Variants in GALNT14 observed in about 807,000 individuals in gnomAD.
GALNT14 encodes the protein UDP-GalNAc:polypeptide N-acetylgalactosaminyltransferase 14.
Under a neutral mutation model 77.5 loss-of-function variants are expected in GALNT14, and 60 were observed. That is an observed-to-expected ratio of 0.77 (90% confidence interval 0.63 to 0.96). GALNT14 has a LOEUF of 0.96. Ranked by LOEUF, GALNT14 falls within the 40% of genes least tolerant of loss-of-function variation. GALNT14 has a pLI of 0.00. For synonymous variants in GALNT14, 280 were observed against 281.7 expected (o/e 0.99, Z 0.06); for missense variants, 710 against 731.0 (o/e 0.97, Z 0.33).
chr2:30,943,917 G>A (rs1036081554), intron 8 of GALNT14, among the ~76,000 whole-genome samples: 11 of 152,114 alleles, frequency 7.2e-5, no homozygotes, highest in African/African-American at 2.7e-4. Flanking sequence ...CTTAGCTCTT[G>A]CTAGTCCCTT....
At chr2:31,060,382 AC>A in intron 1 of GALNT14, among the ~76,000 whole-genome samples, 1 of 152,296 alleles carries the variant, frequency 6.6e-6, no homozygotes, top group Admixed American at 6.5e-5. Flanking sequence ...GCCCTATTTA[AC>A]TTAAACAGGG....
At chr2:30,922,930 T>C (rs1665119511) in intron 13 of GALNT14, among the ~76,000 whole-genome samples, 1 of 152,030 alleles carries the variant, frequency 6.6e-6, no homozygotes. Flanking sequence ...GCTGGAAGCA[T>C]GAAAAAATCT....
chr2:30,889,044 G>T, the GALNT14 span, among the ~76,000 whole-genome samples: 1 of 151,892 alleles, frequency 6.6e-6, no homozygotes, highest in Non-Finnish European at 1.5e-5. Flanking sequence ...CTGTAAAGAA[G>T]CCTGGGAGTA....
At chr2:30,952,721 TG>T (rs1667103686) in intron 6 of GALNT14, among the ~76,000 whole-genome samples, 1 of 150,126 alleles carries the variant, frequency 6.7e-6, no homozygotes, top group African/African-American at 2.5e-5. Flanking sequence ...GTAACTAACC[TG>T]CACATTGTGC....
intron 1 of GALNT14, among the ~76,000 whole-genome samples, chr2:31,037,395 C>T (rs1672805245): frequency 6.6e-6 from 1 of 152,170 alleles, no homozygotes; most frequent in African/African-American, 2.4e-5. Flanking sequence ...TTCTCATACT[C>T]ACTTTTGGTT....
chr2:31,054,095 C>A (rs1011495941), intron 1 of GALNT14, among the ~76,000 whole-genome samples: 2 of 152,204 alleles, frequency 1.3e-5, no homozygotes, highest in African/African-American at 4.8e-5. Context: ...AGTCAGCATC[C>A]CTGCCTGCAA....
At chr2:30,951,127 G>A (rs138201290) in intron 6 of GALNT14, among the ~76,000 whole-genome samples, 3 of 152,122 alleles carry the variant, frequency 2.0e-5, no homozygotes, top group African/African-American at 4.8e-5. Flanking sequence ...TTATAACTGC[G>A]CTATTCACAA....
chr2:31,051,051 C>G (rs1673831697), intron 1 of GALNT14, among the ~76,000 whole-genome samples: 1 of 152,112 alleles, frequency 6.6e-6, no homozygotes, highest in African/African-American at 2.4e-5. Context: ...AGAAAGTTCG[C>G]TGGATGGAGG....
At chr2:31,129,726 GGGT>G in intron 1 of GALNT14, 1 of 813,458 alleles carries the variant, frequency 1.2e-6, no homozygotes, top group Non-Finnish European at 1.5e-6. Context: ...GGGAGGTGGG[GGGT>G]GGGAGGGACA....
the GALNT14 span, among the ~76,000 whole-genome samples, chr2:30,888,326 A>C: frequency 6.6e-6 from 1 of 152,224 alleles, no homozygotes; most frequent in East Asian, 1.9e-4. Flanking sequence ...CTGGGGACCC[A>C]ATACCAGCTC....
intron 1 of GALNT14, among the ~76,000 whole-genome samples, chr2:31,099,511 G>A (rs1677162779): frequency 6.6e-6 from 1 of 151,784 alleles, no homozygotes; most frequent in African/African-American, 2.4e-5. Flanking sequence ...GTTTCCTTCT[G>A]GTACTTTCAT....
intron 1 of GALNT14, among the ~76,000 whole-genome samples, chr2:31,072,771 G>A (rs1478160989): frequency 1.3e-5 from 2 of 152,070 alleles, no homozygotes; most frequent in African/African-American, 4.8e-5. Context: ...TGCCAGACAG[G>A]GTGGCTCAGT....
At chr2:31,003,701 G>C (rs1670499650) in intron 1 of GALNT14, among the ~76,000 whole-genome samples, 1 of 152,200 alleles carries the variant, frequency 6.6e-6, no homozygotes, top group Admixed American at 6.5e-5. Context: ...TCTGGAAGAA[G>C]AAAAGTTCCA....
At chr2:31,023,619 C>G (rs1425083019) in intron 1 of GALNT14, among the ~76,000 whole-genome samples, 2 of 152,098 alleles carry the variant, frequency 1.3e-5, no homozygotes, top group Non-Finnish European at 2.9e-5. Context: ...ACTGAAATTG[C>G]CTTCCTGAGA....
chr2:30,905,081 C>T, the GALNT14 span, among the ~76,000 whole-genome samples: 1 of 152,108 alleles, frequency 6.6e-6, no homozygotes, highest in Non-Finnish European at 1.5e-5. Context: ...CATCAAAGAC[C>T]AAAAGTAAAT....
chr2:31,028,687 G>A (rs1054530927), intron 1 of GALNT14, among the ~76,000 whole-genome samples: 22 of 152,186 alleles, frequency 1.4e-4, no homozygotes, highest in Admixed American at 7.9e-4. Flanking sequence ...TCCCATGCTG[G>A]GCTTTATTTG....
At chr2:30,907,494 C>T (rs1664175431), downstream of GALNT14, among the ~76,000 whole-genome samples, 1 of 152,146 alleles carries the variant, frequency 6.6e-6, no homozygotes, top group African/African-American at 2.4e-5. Flanking sequence ...CATACACTCT[C>T]CCAAGACTAA....
chr2:31,094,528 T>G (rs1251871781), intron 1 of GALNT14, among the ~76,000 whole-genome samples: 3 of 152,354 alleles, frequency 2.0e-5, no homozygotes, highest in South Asian at 4.1e-4. Context: ...GGGCAATATG[T>G]GGCCAGAGGC....
chr2:31,047,344 T>C (rs978763316), intron 1 of GALNT14, among the ~76,000 whole-genome samples: 2 of 152,146 alleles, frequency 1.3e-5, no homozygotes, highest in Non-Finnish European at 2.9e-5. Flanking sequence ...CCTGGGGAAG[T>C]GGGTTATCCT....
Sources: gnomAD v4.1 joint callset for allele counts (sites outside exome capture counted in the v4.1 genomes callset) on GRCh38, gnomAD v4.1.1 for gene constraint, MANE v1.5 for transcripts, NCBI Gene and HGNC (gene_info 2026-07-23, HGNC 2026-07-21) for gene names.